Variants in LRRC4C observed in about 807,000 individuals in gnomAD.
LRRC4C encodes leucine rich repeat containing 4C, also known as leucine-rich repeat-containing protein 4C.
Under a neutral mutation model 33.6 loss-of-function variants are expected in LRRC4C, and 5 were observed. That is an observed-to-expected ratio of 0.15 (90% CI 0.08 to 0.31). LRRC4C has a LOEUF of 0.31. Ranked by LOEUF, LRRC4C falls within the 10% of genes least tolerant of loss-of-function variation. The probability of loss-of-function intolerance (pLI) is 1.00; values close to 1 mark genes in which losing one functional copy is unlikely to be tolerated. For missense variants in LRRC4C, 560 were observed against 796.7 expected (o/e 0.70, Z 3.58); for synonymous variants, 329 against 302.0 (o/e 1.09, Z -0.93).
intron 1 of LRRC4C, among the ~76,000 whole-genome samples, chr11:41,383,819 T>A (rs565534414): frequency 6.6e-6 from 1 of 151,724 alleles, no homozygotes; most frequent in Admixed American, 6.6e-5. Flanking sequence ...AAAAAAAAAA[T>A]TCCAACTCTT....
At chr11:40,388,648 T>A (rs1949210846) in intron 3 of LRRC4C, among the ~76,000 whole-genome samples, 1 of 152,098 alleles carries the variant, frequency 6.6e-6, no homozygotes, top group Admixed American at 6.6e-5. Context: ...GATACCAAAT[T>A]CCAATGCCTG....
At chr11:40,506,453 G>A (rs764410069) in intron 3 of LRRC4C, among the ~76,000 whole-genome samples, 7 of 152,142 alleles carry the variant, frequency 4.6e-5, no homozygotes, top group Non-Finnish European at 1.0e-4. Flanking sequence ...AACTTCCTCT[G>A]ATCAGTGAAG....
chr11:40,918,105 C>A (rs1255791201), intron 2 of LRRC4C, among the ~76,000 whole-genome samples: 1 of 151,994 alleles, frequency 6.6e-6, no homozygotes, highest in East Asian at 1.9e-4. Context: ...GATCAGGAGC[C>A]CTTTGGAAAG....
At chr11:41,334,513 G>A (rs1951390365) in intron 1 of LRRC4C, among the ~76,000 whole-genome samples, 1 of 151,958 alleles carries the variant, frequency 6.6e-6, no homozygotes, top group African/African-American at 2.4e-5. Flanking sequence ...GGTACTTATT[G>A]GGGGCAATTA....
intron 5 of LRRC4C, among the ~76,000 whole-genome samples, chr11:40,233,233 T>C (rs1865329431): frequency 1.3e-5 from 2 of 152,214 alleles, no homozygotes; most frequent in Non-Finnish European, 2.9e-5. Flanking sequence ...AAGGCCTATC[T>C]TGTGTCCTAC....
intron 2 of LRRC4C, among the ~76,000 whole-genome samples, chr11:40,656,802 C>G (rs575227336): frequency 6.6e-6 from 1 of 152,258 alleles, no homozygotes; most frequent in East Asian, 1.9e-4. Context: ...GTTAAAATAT[C>G]CATATACCAC....
intron 1 of LRRC4C, among the ~76,000 whole-genome samples, chr11:41,283,371 C>T (rs1949728509): frequency 6.6e-6 from 1 of 152,044 alleles, no homozygotes; most frequent in African/African-American, 2.4e-5. Context: ...AATATCTAAC[C>T]ACAGGGGATG....
intron 4 of LRRC4C, among the ~76,000 whole-genome samples, chr11:40,268,453 T>A (rs1942447855): frequency 6.6e-6 from 1 of 152,190 alleles, no homozygotes; most frequent in Non-Finnish European, 1.5e-5. Context: ...TGGTTTTATA[T>A]AGAACTTTAT....
chr11:40,866,937 C>T (rs545849814), intron 2 of LRRC4C, among the ~76,000 whole-genome samples: 1 of 151,972 alleles, frequency 6.6e-6, no homozygotes, highest in Non-Finnish European at 1.5e-5. Context: ...ATTATATTTG[C>T]TCCTTTTGTT....
intron 3 of LRRC4C, among the ~76,000 whole-genome samples, chr11:40,626,344 T>A (rs1443713361): frequency 6.6e-6 from 1 of 151,918 alleles, no homozygotes. Flanking sequence ...TCTTTCCTGC[T>A]TTTTTTAAAA....
intron 5 of LRRC4C, among the ~76,000 whole-genome samples, chr11:40,234,311 A>G (rs1204475779): frequency 2.6e-5 from 4 of 152,210 alleles, no homozygotes; most frequent in African/African-American, 9.7e-5. Context: ...TTTCCAATTT[A>G]TAAGTAGTTA....
chr11:41,261,483 G>A (rs1436674124), intron 1 of LRRC4C, among the ~76,000 whole-genome samples: 3 of 152,118 alleles, frequency 2.0e-5, no homozygotes, highest in Admixed American at 1.3e-4. Flanking sequence ...TAGAGGTACT[G>A]AGTGGAGAAA....
intron 3 of LRRC4C, among the ~76,000 whole-genome samples, chr11:40,341,985 C>T: frequency 7.1e-6 from 1 of 141,616 alleles, no homozygotes; most frequent in African/African-American, 2.6e-5. Context: ...GATTATGTTA[C>T]TGGCACTTTT....
chr11:40,507,903 T>C (rs193208205), intron 3 of LRRC4C, among the ~76,000 whole-genome samples: 111 of 152,030 alleles, frequency 7.3e-4, no homozygotes, highest in Middle Eastern at 6.8e-3. Context: ...CCACACCTGG[T>C]TAACTTTTGT....
At chr11:40,239,781 T>A (rs1050402956) in intron 5 of LRRC4C, among the ~76,000 whole-genome samples, 1 of 152,218 alleles carries the variant, frequency 6.6e-6, no homozygotes, top group East Asian at 1.9e-4. Context: ...AGAAAGCTTT[T>A]TTATGGTATA....
At chr11:40,147,107 T>C (rs1330860644) in intron 5 of LRRC4C, among the ~76,000 whole-genome samples, 1 of 152,192 alleles carries the variant, frequency 6.6e-6, no homozygotes, top group Admixed American at 6.5e-5. Context: ...TGCTGCCTCA[T>C]GTTGCAAGTG....
intron 3 of LRRC4C, among the ~76,000 whole-genome samples, chr11:40,490,927 C>G (rs1192638844): frequency 2.6e-5 from 4 of 152,090 alleles, no homozygotes; most frequent in South Asian, 2.1e-4. Context: ...TACTGCTTGT[C>G]TAAACACAGA....
rs536511788 is a variant in LRRC4C at position 40,672,261 on chromosome 11, C to T, written c.-406-23983G>A. ...TCATGGTGGGAGGAGTGAGGGTTCT[C>T]TCTTGGGCCTCTTTTATAAAAGAGG... is the stretch of plus-strand genomic sequence containing the variant. On this transcript the variant is annotated intron_variant, in intron 2 of 6. Transcript: ENST00000528697. Among the ~76,000 whole-genome samples the T allele has an allele frequency of 3.7e-3, 556 of 152,204 alleles. 2 individuals are homozygous for T. The highest frequency in any genetic ancestry group is 6.0e-3 in the Non-Finnish European group (411 of 68,012).
At chr11:40,257,140 C>G (rs976809815) in intron 4 of LRRC4C, among the ~76,000 whole-genome samples, 2 of 152,128 alleles carry the variant, frequency 1.3e-5, no homozygotes, top group Non-Finnish European at 2.9e-5. Flanking sequence ...GCAGTGGCCA[C>G]CCAATTATAA....
Sources: gnomAD v4.1 joint callset for allele counts (sites outside exome capture counted in the v4.1 genomes callset) on GRCh38, gnomAD v4.1.1 for gene constraint, MANE v1.5 for transcripts, NCBI Gene and HGNC (gene_info 2026-07-23, HGNC 2026-07-21) for gene names.